The following PRDM11 variants were observed in gnomAD, a reference collection of about 807,000 sequenced individuals.
PRDM11 encodes PR domain-containing protein 11.
In PRDM11, 20 loss-of-function variants were observed where a neutral mutation model predicts 97.8. The ratio of observed to expected loss-of-function variants is 0.20; its 90% CI spans 0.14 to 0.30. The LOEUF (loss-of-function observed/expected upper bound fraction) is 0.30. PRDM11 is among the 10% of genes least tolerant of loss of function. The probability of loss-of-function intolerance (pLI) is 1.00; values close to 1 mark genes in which losing one functional copy is unlikely to be tolerated. For missense variants in PRDM11, 1,139 were observed against 1,555.2 expected (o/e 0.73, Z 4.50); for synonymous variants, 599 against 637.7 (o/e 0.94, Z 0.91).
intron 1 of PRDM11, among the ~76,000 whole-genome samples, chr11:45,112,230 A>C (rs957942016): frequency 3.3e-5 from 5 of 152,226 alleles, no homozygotes; most frequent in Admixed American, 2.0e-4. Flanking sequence ...CTTCACCTAG[A>C]ATAATGGCCT....
chr11:45,124,033 T>C (rs1852506867), intron 1 of PRDM11, among the ~76,000 whole-genome samples: 1 of 149,420 alleles, frequency 6.7e-6, no homozygotes, highest in East Asian at 1.9e-4. Flanking sequence ...AGCAGTGGTT[T>C]GTAGTTCTCC....
intron 1 of PRDM11, among the ~76,000 whole-genome samples, chr11:45,147,919 C>T (rs759213657): frequency 6.6e-6 from 1 of 152,172 alleles, no homozygotes; most frequent in African/African-American, 2.4e-5. Flanking sequence ...TGAGAGATTG[C>T]TCTTGGTACC....
At chr11:45,123,306 T>C (rs1483251345) in intron 1 of PRDM11, among the ~76,000 whole-genome samples, 11 of 152,252 alleles carry the variant, frequency 7.2e-5, no homozygotes, top group Non-Finnish European at 1.5e-5. Context: ...CTGTTCACTG[T>C]GATGGTGGTT....
chr11:45,096,578 C>T (rs915636430), intron 1 of PRDM11, among the ~76,000 whole-genome samples: 2 of 152,100 alleles, frequency 1.3e-5, no homozygotes, highest in African/African-American at 4.8e-5. Context: ...TGGCCAGGCT[C>T]TCCGAAGATA....
rs1854402386 is a variant in PRDM11 at position 45,231,722 on chromosome 11, G to T, written c.*3563G>T. On this transcript the variant is annotated 3_prime_UTR_variant, in exon 8 of 8. Transcript: ENST00000683152. ...ATGGAGGACAAAGAAAAAATCCACT[G>T]CCATCTAGTATCTGTGAAACATGAG... The T allele has an allele frequency of 6.6e-6, 1 of 151,502 alleles. No homozygotes were observed. Among genetic ancestry groups the T allele is most frequent in the African/African-American group, 2.4e-5 (1 of 41,160 alleles). 9.4% of individuals were successfully genotyped at this position (151,502 alleles called of 1,614,324 possible).
intron 5 of PRDM11, chr11:45,212,338 G>A (rs931745504): frequency 3.7e-5 from 12 of 326,686 alleles, no homozygotes; most frequent in Non-Finnish European, 3.7e-5. Context: ...CTATGGGCGG[G>A]GGCCAAACTA....
chr11:45,203,867 C>A (rs1416108612), intron 4 of PRDM11, among the ~76,000 whole-genome samples: 2 of 152,110 alleles, frequency 1.3e-5, no homozygotes, highest in Non-Finnish European at 2.9e-5. Context: ...ATTCAAAAGC[C>A]TAATGACTGA....
chr11:45,144,415 C>G (rs1263039477), upstream of PRDM11, among the ~76,000 whole-genome samples: 2 of 152,214 alleles, frequency 1.3e-5, no homozygotes, highest in Non-Finnish European at 2.9e-5. Flanking sequence ...ACAGATGCAG[C>G]TGAGGACCTA....
chr11:45,170,174 C>T (rs536202854), intron 1 of PRDM11, among the ~76,000 whole-genome samples: 1 of 152,150 alleles, frequency 6.6e-6, no homozygotes, highest in South Asian at 2.1e-4. Flanking sequence ...GAAACTCCGT[C>T]TCTACTAAAA....
At chr11:45,164,083 T>G (rs980448629) in intron 1 of PRDM11, among the ~76,000 whole-genome samples, 1 of 152,206 alleles carries the variant, frequency 6.6e-6, no homozygotes, top group African/African-American at 2.4e-5. Context: ...CTCACTCAGT[T>G]TCTGCACCTG....
chr11:45,094,169 TA>T (rs1355451063), upstream of PRDM11, among the ~76,000 whole-genome samples: 2 of 152,220 alleles, frequency 1.3e-5, no homozygotes, highest in East Asian at 3.9e-4. Flanking sequence ...TGCAAGTAGC[TA>T]GCATGCAGTT....
intron 4 of PRDM11, among the ~76,000 whole-genome samples, chr11:45,183,457 C>T (rs980958470): frequency 3.3e-5 from 5 of 152,188 alleles, no homozygotes; most frequent in East Asian, 1.9e-4. Flanking sequence ...GTGGGTGACT[C>T]GGAGCTGGCC....
intron 1 of PRDM11, among the ~76,000 whole-genome samples, chr11:45,124,960 A>G (rs1431886932): frequency 1.3e-5 from 2 of 152,244 alleles, no homozygotes; most frequent in African/African-American, 2.4e-5. Flanking sequence ...CTGTGAATCC[A>G]TCTGGTCCTG....
intron 1 of PRDM11, among the ~76,000 whole-genome samples, chr11:45,135,090 G>C (rs1389180715): frequency 2.0e-5 from 3 of 151,918 alleles, no homozygotes; most frequent in Non-Finnish European, 4.4e-5. Flanking sequence ...AACATAGTGA[G>C]ACCCCATCTC....
chr11:45,149,418 C>T (rs1851606431), intron 1 of PRDM11, among the ~76,000 whole-genome samples: 1 of 152,240 alleles, frequency 6.6e-6, no homozygotes, highest in African/African-American at 2.4e-5. Context: ...GCCTTTCCTC[C>T]TCAAATCCTT....
intron 1 of PRDM11, among the ~76,000 whole-genome samples, chr11:45,113,014 G>T (rs1466617781): frequency 3.3e-5 from 5 of 152,120 alleles, no homozygotes; most frequent in African/African-American, 1.2e-4. Flanking sequence ...TCTTAGTCAT[G>T]AATTCTTTGC....
intron 1 of PRDM11, among the ~76,000 whole-genome samples, chr11:45,179,201 G>T (rs544584043): frequency 1.3e-5 from 2 of 152,280 alleles, no homozygotes; most frequent in African/African-American, 4.8e-5. Context: ...TTCCAATAAA[G>T]CGTCAGAGTT....
At chr11:45,165,246 G>A (rs1036026995) in intron 1 of PRDM11, among the ~76,000 whole-genome samples, 3 of 152,132 alleles carry the variant, frequency 2.0e-5, no homozygotes, top group Non-Finnish European at 4.4e-5. Context: ...TGCCCCTTGG[G>A]AGTGGATTTA....
chr11:45,224,425 G>A lies in PRDM11; in HGVS notation c.951G>A (p.Lys317=). 6.2e-7 allele frequency: 1 copy of A among 1,614,214 alleles called. No homozygotes were observed. Among genetic ancestry groups the A allele is most frequent in the Non-Finnish European group, 8.5e-7 (1 of 1,180,030 alleles). The change falls in exon 7 of 8, where the codon AAG becomes AAA. Residue 317 remains lysine, a synonymous_variant. Transcript: ENST00000683152. The part of the protein sequence containing the change: ...DVLEASLESA[K]VEAHQLALST... ...TGGAGGCCTCACTGGAATCTGCGAA[G>A]GTGGAAGCCCACCAGTTGGCCCTGA...
Sources: allele counts gnomAD v4.1 joint callset (sites outside exome capture counted in the v4.1 genomes callset), GRCh38; gene constraint gnomAD v4.1.1; transcripts MANE v1.5; gene names NCBI Gene and HGNC (gene_info 2026-07-23, HGNC 2026-07-21).